NCOR1: variants seen among roughly 807,000 people sequenced by gnomAD.
NCOR1 encodes protein phosphatase 1, regulatory subunit 109.
A neutral mutation model predicts 288.1 loss-of-function variants in NCOR1; 63 were observed. The ratio of observed to expected loss-of-function variants is 0.22; its 90% CI spans 0.18 to 0.27. The LOEUF (loss-of-function observed/expected upper bound fraction) is 0.27. Among genes scored for constraint, NCOR1 ranks in the 10% least tolerant of loss-of-function variants. The pLI is 1.00. For synonymous variants in NCOR1, 1,007 were observed against 1,065.9 expected (o/e 0.94, Z 1.08); for missense variants, 2,397 against 3,019.2 (o/e 0.79, Z 4.83).
chr17:16,071,608 A>C lies in NCOR1; in HGVS notation c.3953T>G (p.Ile1318Ser), dbSNP rs1231962177. 3 of 1,612,854 alleles carry C rather than the reference A, an allele frequency of 1.9e-6. No individual in the cohort carries two copies. The African/African-American group carries it at 4.0e-5, about 22-fold the overall frequency. ...FEDGLKYPKQ[I>S]KRESPPIRAF... ...TCGTATGGGAGGACTTTCCCTTTTA[A>C]TTTGTTTGGGATATTTAAGGCCATC... The change falls in exon 30 of 46, where the codon ATT becomes AGT. Residue 1318 changes from isoleucine (I) to serine (S), a missense_variant. This residue lies in a region of NCOR1 where 1,872 missense variants were observed against 2,187.8 expected (regional missense o/e 0.86). Coordinates refer to ENST00000268712, the MANE Select transcript of NCOR1 (RefSeq NM_006311.4).
chr17:16,049,010 T>C (rs766913523), intron 40 of NCOR1, 22 bp from the exon 41 acceptor site: 3 of 1,573,302 alleles, frequency 1.9e-6, no homozygotes, highest in East Asian at 2.3e-5. Context: ...TGTGAAATAT[T>C]AGATTGTGTT....
At chr17:16,159,024 C>A in intron 5 of NCOR1, 151 bp from the exon 6 acceptor site, 1 of 464,936 alleles carries the variant, frequency 2.2e-6, no homozygotes, top group South Asian at 4.7e-5. Context: ...ACCAAGAGCT[C>A]AAAGAGAATT....
At position 16,095,460 on chromosome 17, in the gene NCOR1, C is replaced by T. The variant is rs1231646092; in HGVS notation, c.2820+2907G>A. On this transcript the variant is annotated intron_variant, in intron 21 of 45. Coordinates refer to ENST00000268712, the MANE Select transcript of NCOR1 (RefSeq NM_006311.4). ...GGAGGTGGGGGGTCAGCCCCCCGCC[C>T]GGCCAGCCGCCCCGTCCGGGAGGGA... Among the ~76,000 whole-genome samples, 18 of 146,548 alleles carry T rather than the reference C, an allele frequency of 1.2e-4. 1 individual carries two copies. The South Asian group carries it at 2.0e-3, about 16-fold the overall frequency.
At chr17:16,042,920 A>C (rs930138140) in intron 42 of NCOR1, among the ~76,000 whole-genome samples, 2 of 152,248 alleles carry the variant, frequency 1.3e-5, no homozygotes, top group African/African-American at 4.8e-5. Context: ...AGTTTTCAGC[A>C]TACAAGCGAC....
At chr17:16,068,509 G>GT in intron 31 of NCOR1, 1 of 213,476 alleles carries the variant, frequency 4.7e-6, no homozygotes, top group Non-Finnish European at 9.5e-6. Context: ...CATTGCCTGT[G>GT]TTATGCAACC....
rs551335537 is a variant in NCOR1 at position 16,102,274 on chromosome 17, C to CT, written c.2183-518dup. Among the ~76,000 whole-genome samples, 9 of 151,596 alleles carry CT rather than the reference C, an allele frequency of 5.9e-5. No individual in the cohort carries two copies. In the South Asian group the frequency reaches 1.7e-3, roughly 28 times the overall value. ...GAAGAAATTGGTCAAATAATTTAAACTTTTTTTTTAATTTTTAATTTTTTG... is the reference window on the plus strand; with the variant it reads ...GAAGAAATTGGTCAAATAATTTAAACTTTTTTTTTTAATTTTTAATTTTTTG... On this transcript the variant is annotated intron_variant, in intron 19 of 45. Transcript: ENST00000268712.
Position 16,032,079 on chromosome 17 carries a change from T to C in NCOR1, c.*217A>G. 1 of 512,594 alleles carries C rather than the reference T, an allele frequency of 2.0e-6. No individual in the cohort carries two copies. The allele number at this position is 512,594 out of a possible 1,614,324, so 31.8% of individuals were successfully genotyped here. ...ACCCTCCACTATTATTATAGTCCAC[T>C]GAATTGCCTGTATCAAAGGCAGTTT... On this transcript the variant is annotated 3_prime_UTR_variant, in exon 46 of 46. Coordinates refer to ENST00000268712, the MANE Select transcript of NCOR1 (RefSeq NM_006311.4).
intron 24 of NCOR1, 34 bp from the exon 25 acceptor site, chr17:16,080,543 G>C (rs576532564): frequency 1.2e-6 from 2 of 1,613,832 alleles, no homozygotes; most frequent in Admixed American, 3.3e-5. Flanking sequence ...AAACAATCCA[G>C]TACTAAATTA....
At chr17:16,180,637 A>G (rs2085206782) in intron 3 of NCOR1, among the ~76,000 whole-genome samples, 1 of 150,922 alleles carries the variant, frequency 6.6e-6, no homozygotes, top group Non-Finnish European at 1.5e-5. Flanking sequence ...GGTGCCAGCT[A>G]CCCGGGAGGC....
chr17:16,127,451 A>G lies in NCOR1; in HGVS notation c.1510-1245T>C, dbSNP rs568166425. Among the ~76,000 whole-genome samples the G allele has an allele frequency of 1.2e-4, 17 of 145,756 alleles. 2 individuals are homozygous for G. Among genetic ancestry groups the G allele is most frequent in the South Asian group, 4.2e-4 (2 of 4,734 alleles). On this transcript the variant is annotated intron_variant, in intron 14 of 45. Coordinates refer to ENST00000268712, the MANE Select transcript of NCOR1 (RefSeq NM_006311.4). Reference sequence around the variant, plus strand: ...TATATGTGTATGTATATATGTGTATATGTATATATACGTGTATGTGTATAT... The same window carrying G: ...TATATGTGTATGTATATATGTGTATGTGTATATATACGTGTATGTGTATAT...
intron 11 of NCOR1, among the ~76,000 whole-genome samples, chr17:16,140,498 T>C (rs993223720): frequency 6.6e-6 from 1 of 152,164 alleles, no homozygotes; most frequent in Non-Finnish European, 1.5e-5. Context: ...ACCCCATCTC[T>C]ACAAAATAAT....
At chr17:16,079,823 A>G in intron 26 of NCOR1, 141 bp downstream of exon 26, 1 of 601,722 alleles carries the variant, frequency 1.7e-6, no homozygotes, top group South Asian at 2.4e-5. Flanking sequence ...CTGTGGAGAC[A>G]GTTTGCAGAT....
At chr17:16,110,362 CAAAAAACA>C (rs1011934766) in intron 18 of NCOR1, among the ~76,000 whole-genome samples, 1 of 150,776 alleles carries the variant, frequency 6.6e-6, no homozygotes, top group African/African-American at 2.4e-5. Context: ...AAAAAAAAAA[CAAAAAACA>C]AAAAAACAAA....
At chr17:16,066,944 A>C (rs969366809) in intron 32 of NCOR1, among the ~76,000 whole-genome samples, 1 of 152,264 alleles carries the variant, frequency 6.6e-6, no homozygotes, top group Non-Finnish European at 1.5e-5. Flanking sequence ...CTTATTAAGC[A>C]AAGAGTTTAT....
chr17:16,055,460 C>T (rs9652827), intron 40 of NCOR1, among the ~76,000 whole-genome samples: 87,532 of 151,990 alleles, frequency 0.58, 25,779 homozygotes, highest in African/African-American at 0.66. Flanking sequence ...CACTTATAAG[C>T]GGGAGCTAAA....
intron 2 of NCOR1, among the ~76,000 whole-genome samples, chr17:16,192,867 G>C (rs2088807943): frequency 6.6e-6 from 1 of 152,074 alleles, no homozygotes; most frequent in African/African-American, 2.4e-5. Flanking sequence ...ACAATAAAAA[G>C]GAATGAACTA....
In NCOR1 at chr17:16,143,620, G is replaced by T. The variant is rs766481258; in HGVS notation, c.1159C>A (p.Leu387Ile). 1 of 1,613,000 alleles carries T rather than the reference G, an allele frequency of 6.2e-7. No individual in the cohort carries two copies. Among genetic ancestry groups the T allele is most frequent in the Non-Finnish European group, 8.5e-7 (1 of 1,179,076 alleles). Residue 387 changes from leucine to isoleucine, a missense_variant, in exon 11 of 46, where the codon CTC (leucine) becomes ATC (isoleucine). Transcript: ENST00000268712. ...TATTTTCTTACCTCCTGCTCAGAGA[G>T]CCCATCAATAATTTCAGAAATCTCA... ...EHEISEIIDG[L>I]SEQENNEKQM... is the part of the protein sequence containing the mutation.
intron 4 of NCOR1, among the ~76,000 whole-genome samples, chr17:16,169,148 G>A (rs1431728269): frequency 6.6e-6 from 1 of 152,022 alleles, no homozygotes; most frequent in Admixed American, 6.6e-5. Context: ...AGCTAAGCAC[G>A]TATTTAAGCA....
intron 1 of NCOR1, among the ~76,000 whole-genome samples, chr17:16,202,223 C>CAAAAAAA (rs35812448): frequency 1.0e-5 from 1 of 97,416 alleles, no homozygotes; most frequent in Non-Finnish European, 1.9e-5. Flanking sequence ...GACTCCATCT[C>CAAAAAAA]AAAAAAAAAA....
Sources: gnomAD v4.1 joint callset for allele counts (sites outside exome capture counted in the v4.1 genomes callset) on GRCh38, gnomAD v4.1.1 for gene constraint, gnomAD v4.1.1 regional missense constraint, MANE v1.5 for transcripts, NCBI Gene and HGNC (gene_info 2026-07-23, HGNC 2026-07-21) for gene names.